The following FOXK1 variants were observed in gnomAD, a reference collection of about 807,000 sequenced individuals.
FOXK1 encodes forkhead box protein K1.
Under a neutral mutation model 51.9 loss-of-function variants are expected in FOXK1, and 19 were observed. That is an observed-to-expected ratio of 0.37 (90% CI 0.26 to 0.54). The LOEUF is 0.54. Among genes scored for constraint, FOXK1 ranks in the 20% least tolerant of loss-of-function variants. The pLI, the probability that FOXK1 is intolerant of heterozygous loss-of-function variation, is 0.87. For missense variants in FOXK1, 870 were observed against 1,032.7 expected (o/e 0.84, Z 2.16); for synonymous variants, 537 against 482.6 (o/e 1.11, Z -1.48).
intron 2 of FOXK1, among the ~76,000 whole-genome samples, chr7:4,742,652 A>G (rs1470603352): frequency 3.3e-5 from 5 of 152,126 alleles, no homozygotes; most frequent in Non-Finnish European, 2.9e-5. Flanking sequence ...CCTGGGCTCA[A>G]GAGATCCTCC....
chr7:4,732,197 C>T (rs981009409), intron 1 of FOXK1, among the ~76,000 whole-genome samples: 3 of 152,228 alleles, frequency 2.0e-5, no homozygotes, highest in Admixed American at 6.5e-5. Context: ...CGTCTGATGA[C>T]GTTGCTTGGA....
At chr7:4,744,240 C>T (rs1023314610) in intron 2 of FOXK1, among the ~76,000 whole-genome samples, 3 of 151,238 alleles carry the variant, frequency 2.0e-5, no homozygotes, top group East Asian at 2.0e-4. Flanking sequence ...TTTTAAATTA[C>T]GGCAGGGAAA....
In FOXK1 at chr7:4,722,239, T is replaced by A. The variant is rs148714529; in HGVS notation, c.561-18599T>A. ...CGCCTGGAAATAAATGCCAGCACCGTGCAAGCTGGCTTTGCATTCTCTGCC... is the reference window on the plus strand; with the variant it reads ...CGCCTGGAAATAAATGCCAGCACCGAGCAAGCTGGCTTTGCATTCTCTGCC... On this transcript the variant is annotated intron_variant, in intron 1 of 8. Transcript: ENST00000328914. The surrounding 1 kb of genome is among the most constrained non-coding windows in gnomAD (Gnocchi z 5.1). 6.6e-6 allele frequency among the ~76,000 whole-genome samples: 1 copy of A among 152,106 alleles called. No individual in the cohort carries two copies. The highest frequency in any genetic ancestry group is 1.5e-5 in the Non-Finnish European group (1 of 67,952).
intron 1 of FOXK1, among the ~76,000 whole-genome samples, chr7:4,721,896 T>C (rs1243508173): frequency 6.6e-6 from 1 of 152,260 alleles, no homozygotes; most frequent in East Asian, 1.9e-4. Flanking sequence ...CGGCCTGTTT[T>C]CATTTTAATA....
In FOXK1 at chr7:4,745,644, C is replaced by CTG. The variant is rs1288522593; in HGVS notation, c.746+4623_746+4624dup. 6.6e-6 allele frequency among the ~76,000 whole-genome samples: 1 copy of CTG among 152,192 alleles called. No homozygotes were observed. Among genetic ancestry groups the CTG allele is most frequent in the African/African-American group, 2.4e-5 (1 of 41,444 alleles). On this transcript the variant is annotated intron_variant, in intron 2 of 8. Transcript: ENST00000328914. The surrounding 1 kb of genome is among the most constrained non-coding windows in gnomAD (Gnocchi z 4.3). ...AGGCCAGGCGCCCGGTGGCTCAGGC[C>CTG]TGTAATCCCAGCACTTTGGGAGGCT...
intron 1 of FOXK1, among the ~76,000 whole-genome samples, chr7:4,719,189 C>T (rs111720094): frequency 0.014 from 2,152 of 151,808 alleles, 49 homozygotes; most frequent in African/African-American, 0.048. Context: ...AGCTGGAGTG[C>T]GATGGCACAA....
At chr7:4,706,869 A>G (rs1353788390) in intron 1 of FOXK1, among the ~76,000 whole-genome samples, 3 of 152,024 alleles carry the variant, frequency 2.0e-5, no homozygotes, top group Admixed American at 2.0e-4. Context: ...GTAGCCTGGA[A>G]CTGCTGGGTC....
intron 1 of FOXK1, among the ~76,000 whole-genome samples, chr7:4,740,070 G>GGGCA (rs1349406735): frequency 6.6e-6 from 1 of 152,212 alleles, no homozygotes; most frequent in African/African-American, 2.4e-5. Context: ...TGAGGCAGGT[G>GGGCA]GATCACCTGA....
chr7:4,760,187 A>C (rs929925252), intron 7 of FOXK1, among the ~76,000 whole-genome samples: 3 of 152,220 alleles, frequency 2.0e-5, no homozygotes, highest in Admixed American at 1.3e-4. Flanking sequence ...TGCAGGAGAA[A>C]GAATGAGCCT....
At position 4,763,373 on chromosome 7, in the gene FOXK1, A is replaced by T. The variant is rs1780964529; in HGVS notation, c.*909A>T. The stretch of plus-strand genomic sequence containing the variant: ...CCTTCCCGAATTATCCGTGGCTCCG[A>T]TGTCCCGGTGCTGACGGCCACATGG... On this transcript the variant is annotated 3_prime_UTR_variant, in exon 9 of 9. Transcript: ENST00000328914. 1 of 152,286 alleles carries T rather than the reference A, an allele frequency of 6.6e-6. No homozygotes were observed. The highest frequency in any genetic ancestry group is 2.4e-5 in the African/African-American group (1 of 41,436). The allele number at this position is 152,286 out of a possible 1,614,324, so 9.4% of individuals were successfully genotyped here. A position where few individuals can be genotyped will look rare whatever the true frequency, so the allele number is the denominator to read the frequency against.
At chr7:4,687,624 G>T (rs1779838194) in intron 1 of FOXK1, among the ~76,000 whole-genome samples, 2 of 152,098 alleles carry the variant, frequency 1.3e-5, no homozygotes, top group South Asian at 4.1e-4. Flanking sequence ...ACTTAATTTT[G>T]AATTTCATTT....
intron 1 of FOXK1, among the ~76,000 whole-genome samples, chr7:4,688,630 G>A (rs955328892): frequency 1.3e-5 from 2 of 152,054 alleles, no homozygotes; most frequent in African/African-American, 4.8e-5. Flanking sequence ...CCAGTGATCT[G>A]CCCGCCTCAG....
intron 1 of FOXK1, among the ~76,000 whole-genome samples, chr7:4,702,979 C>T (rs1489727353): frequency 6.6e-6 from 1 of 152,170 alleles, no homozygotes; most frequent in Non-Finnish European, 1.5e-5. Flanking sequence ...GTGTCCTGCT[C>T]GTCCTCCTGA....
chr7:4,762,504 C>T lies in FOXK1; in HGVS notation c.*40C>T, dbSNP rs766095602. On this transcript the variant is annotated 3_prime_UTR_variant, in exon 9 of 9. Coordinates refer to ENST00000328914, the MANE Select transcript of FOXK1 (RefSeq NM_001037165.2). The surrounding 1 kb of genome is among the most constrained non-coding windows in gnomAD (Gnocchi z 5.7). ...CGGGGGAGTGGGACTCACCCAGCGG[C>T]GACCCCGAAGCTGGACCCGGCAGCT... The T allele has an allele frequency of 2.3e-4, 341 of 1,511,680 alleles. No individual in the cohort carries two copies. The highest frequency in any genetic ancestry group is 1.4e-3 in the Middle Eastern group (6 of 4,228). 93.6% of individuals were successfully genotyped at this position (1,511,680 alleles called of 1,614,324 possible).
intron 2 of FOXK1, 141 bp downstream of exon 2, chr7:4,741,164 TC>T: frequency 1.7e-6 from 1 of 573,482 alleles, no homozygotes. Context: ...TGTACGTCCA[TC>T]CGGGACCTGG....
chr7:4,719,848 G>C (rs138174511), intron 1 of FOXK1, among the ~76,000 whole-genome samples: 3 of 152,022 alleles, frequency 2.0e-5, no homozygotes, highest in African/African-American at 7.3e-5. Context: ...ATACCTCCTC[G>C]TGTGTTTTGT....
At position 4,764,883 on chromosome 7, in the gene FOXK1, T is replaced by C. The variant is rs1780989433; in HGVS notation, c.*2419T>C. ...CTGCTCAGGCTGGCCCTGACCCACG[T>C]GGTTTCCTGGCTTCTGAGACGCAGC... On this transcript the variant is annotated 3_prime_UTR_variant, in exon 9 of 9. Transcript: ENST00000328914. 1 of 152,314 alleles carries C rather than the reference T, an allele frequency of 6.6e-6. No individual in the cohort carries two copies. Among genetic ancestry groups the C allele is most frequent in the African/African-American group, 2.4e-5 (1 of 41,456 alleles). 9.4% of individuals were successfully genotyped at this position (152,314 alleles called of 1,614,324 possible). A position where few individuals can be genotyped will look rare whatever the true frequency, so the allele number is the denominator to read the frequency against.
Position 4,715,909 on chromosome 7 carries a change from T to C in FOXK1, c.561-24929T>C, listed in dbSNP as rs1780227777. 6.6e-6 allele frequency among the ~76,000 whole-genome samples: 1 copy of C among 152,206 alleles called. No individual in the cohort carries two copies. The highest frequency in any genetic ancestry group is 1.5e-5 in the Non-Finnish European group (1 of 68,038). On this transcript the variant is annotated intron_variant, in intron 1 of 8. Transcript: ENST00000328914. This position sits in a 1 kb window ranked among gnomAD's most constrained non-coding sequence, Gnocchi z 4.5. The stretch of plus-strand genomic sequence containing the variant: ...GCTGAACTTCAACATTGGCCACCAA[T>C]ATCTGCTGTCTGTGCTTAAAGGATC...
Position 4,723,407 on chromosome 7 carries a change from T to A in FOXK1, c.561-17431T>A, listed in dbSNP as rs1313734092. On this transcript the variant is annotated intron_variant, in intron 1 of 8. Coordinates refer to ENST00000328914, the MANE Select transcript of FOXK1 (RefSeq NM_001037165.2). The surrounding 1 kb of genome is among the most constrained non-coding windows in gnomAD (Gnocchi z 4.7). ...TCTGTGGGGTTTTTTTTTTGGACGT[T>A]CCCAGCTGACTAAATTTGCCTTCTT... Among the ~76,000 whole-genome samples the A allele has an allele frequency of 6.6e-6, 1 of 151,974 alleles. No individual in the cohort carries two copies.
Sources: allele counts gnomAD v4.1 joint callset (sites outside exome capture counted in the v4.1 genomes callset), GRCh38; gene constraint gnomAD v4.1.1; non-coding constraint Gnocchi (gnomAD v3.1); transcripts MANE v1.5; gene names NCBI Gene and HGNC (gene_info 2026-07-23, HGNC 2026-07-21).